GRID1: variants seen among roughly 807,000 people sequenced by gnomAD.
The protein encoded by GRID1 is glutamate receptor ionotropic, delta-1.
In GRID1, 28 loss-of-function variants were observed where a neutral mutation model predicts 98.0. The observed-to-expected ratio is 0.29, with a 90% confidence interval of 0.21 to 0.39. The LOEUF is 0.39. GRID1 is among the 10% of genes least tolerant of loss of function. The pLI is 1.00. For missense variants in GRID1, 1,111 were observed against 1,340.5 expected (o/e 0.83, Z 2.67); for synonymous variants, 553 against 538.5 (o/e 1.03, Z -0.37).
intron 4 of GRID1, among the ~76,000 whole-genome samples, chr10:86,055,064 G>A (rs1843554209): frequency 6.6e-6 from 1 of 152,148 alleles, no homozygotes; most frequent in South Asian, 2.1e-4. Flanking sequence ...CATGAGCCAA[G>A]GCCACCCTCA....
intron 2 of GRID1, among the ~76,000 whole-genome samples, chr10:86,299,124 A>T (rs1372065647): frequency 6.6e-6 from 1 of 151,752 alleles, no homozygotes; most frequent in East Asian, 1.9e-4. Flanking sequence ...CGTCACATAC[A>T]ACCAATCCTG....
intron 12 of GRID1, among the ~76,000 whole-genome samples, chr10:85,655,701 T>G (rs1840887421): frequency 6.6e-6 from 1 of 152,200 alleles, no homozygotes; most frequent in Non-Finnish European, 1.5e-5. Context: ...AGGCTGCTTC[T>G]TTTTTCCTAA....
At chr10:85,984,200 G>C (rs761037452) in intron 4 of GRID1, among the ~76,000 whole-genome samples, 1 of 152,080 alleles carries the variant, frequency 6.6e-6, no homozygotes, top group Non-Finnish European at 1.5e-5. Flanking sequence ...TTTCTCACAA[G>C]GCTCCTAATA....
intron 8 of GRID1, among the ~76,000 whole-genome samples, chr10:85,759,210 T>C (rs1205983748): frequency 6.6e-6 from 1 of 152,232 alleles, no homozygotes; most frequent in African/African-American, 2.4e-5. Context: ...ACCTTGTTCC[T>C]GGCTGCCCCT....
At chr10:86,151,184 G>A (rs1481680971) in intron 3 of GRID1, among the ~76,000 whole-genome samples, 1 of 152,150 alleles carries the variant, frequency 6.6e-6, no homozygotes, top group African/African-American at 2.4e-5. Context: ...CAAGCTGAAG[G>A]CACGTGGGAA....
At chr10:86,084,587 C>G (rs1314417054) in intron 4 of GRID1, among the ~76,000 whole-genome samples, 1 of 152,180 alleles carries the variant, frequency 6.6e-6, no homozygotes, top group Non-Finnish European at 1.5e-5. Flanking sequence ...TGCACACCTA[C>G]TTTCACAGCA....
At chr10:86,160,175 C>T (rs1232345145) in intron 3 of GRID1, among the ~76,000 whole-genome samples, 1 of 152,156 alleles carries the variant, frequency 6.6e-6, no homozygotes, top group Non-Finnish European at 1.5e-5. Flanking sequence ...AAAGGAGCCA[C>T]CCATAGATGT....
At chr10:85,706,676 A>C (rs1841523118) in intron 12 of GRID1, among the ~76,000 whole-genome samples, 1 of 152,222 alleles carries the variant, frequency 6.6e-6, no homozygotes, top group African/African-American at 2.4e-5. Flanking sequence ...CCAAAAGAAC[A>C]AAGCTGGAGG....
intron 2 of GRID1, among the ~76,000 whole-genome samples, chr10:86,357,971 T>C (rs1013485489): frequency 6.6e-6 from 1 of 152,176 alleles, no homozygotes; most frequent in African/African-American, 2.4e-5. Flanking sequence ...AAGAACAACC[T>C]GCTCAGGCAG....
At chr10:86,055,674 C>T (rs181857124) in intron 4 of GRID1, among the ~76,000 whole-genome samples, 3 of 152,182 alleles carry the variant, frequency 2.0e-5, no homozygotes, top group Admixed American at 1.3e-4. Context: ...ACCCAGGAGG[C>T]GGAGGTTGCA....
At chr10:86,029,548 C>G (rs984075802) in intron 4 of GRID1, among the ~76,000 whole-genome samples, 1 of 152,138 alleles carries the variant, frequency 6.6e-6, no homozygotes, top group Non-Finnish European at 1.5e-5. Context: ...CAACATGTCC[C>G]ATCATAATTT....
intron 2 of GRID1, among the ~76,000 whole-genome samples, chr10:86,300,416 A>G (rs986720033): frequency 7.0e-6 from 1 of 143,388 alleles, no homozygotes; most frequent in African/African-American, 2.6e-5. Flanking sequence ...GCCATCAGCT[A>G]TGATTGTACC....
chr10:85,926,512 T>G (rs187552602), intron 4 of GRID1, among the ~76,000 whole-genome samples: 2 of 152,270 alleles, frequency 1.3e-5, no homozygotes, highest in Admixed American at 1.3e-4. Context: ...GCTTAGTTTT[T>G]CCCCAAAGCT....
chr10:85,983,337 G>A (rs1280147691), intron 4 of GRID1, among the ~76,000 whole-genome samples: 1 of 152,198 alleles, frequency 6.6e-6, no homozygotes, highest in Non-Finnish European at 1.5e-5. Flanking sequence ...AAAGGAGTGA[G>A]GCACATGTGC....
chr10:86,076,229 T>C (rs1843878503), intron 4 of GRID1, among the ~76,000 whole-genome samples: 1 of 152,178 alleles, frequency 6.6e-6, no homozygotes, highest in Non-Finnish European at 1.5e-5. Flanking sequence ...TGCTAGTATA[T>C]CCAAGCCATG....
intron 3 of GRID1, among the ~76,000 whole-genome samples, chr10:86,165,019 G>T (rs1249464391): frequency 1.3e-5 from 2 of 152,176 alleles, no homozygotes; most frequent in African/African-American, 4.8e-5. Flanking sequence ...AATTTGGGGA[G>T]TCCAACAATG....
At chr10:85,950,749 C>T (rs1842109455) in intron 4 of GRID1, among the ~76,000 whole-genome samples, 2 of 152,102 alleles carry the variant, frequency 1.3e-5, no homozygotes, top group Admixed American at 1.3e-4. Context: ...CACACCAAGC[C>T]CCTTCATCCT....
chr10:86,016,782 T>C (rs988421178), intron 4 of GRID1, among the ~76,000 whole-genome samples: 1 of 152,212 alleles, frequency 6.6e-6, no homozygotes, highest in African/African-American at 2.4e-5. Context: ...CCCTCTTTTA[T>C]GTGTATTATT....
At chr10:86,025,030 T>C (rs974577957) in intron 4 of GRID1, among the ~76,000 whole-genome samples, 1 of 152,206 alleles carries the variant, frequency 6.6e-6, no homozygotes, top group African/African-American at 2.4e-5. Context: ...ACACATGGTT[T>C]GAAACTGCTT....
Sources: allele counts gnomAD v4.1 joint callset (sites outside exome capture counted in the v4.1 genomes callset), GRCh38; gene constraint gnomAD v4.1.1; transcripts MANE v1.5; gene names NCBI Gene and HGNC (gene_info 2026-07-23, HGNC 2026-07-21).